ERC1: variants seen among roughly 807,000 people sequenced by gnomAD.
The protein encoded by ERC1 is ELKS/RAB6-interacting/CAST family member 1, also known as RAB6 interacting protein 2.
In ERC1, 56 loss-of-function variants were observed where a neutral mutation model predicts 132.0. That is an observed-to-expected ratio of 0.42 (90% confidence interval 0.34 to 0.53). ERC1 has a LOEUF of 0.53. Ranked by LOEUF, ERC1 falls within the 20% of genes least tolerant of loss-of-function variation. The pLI, the probability that ERC1 is intolerant of heterozygous loss-of-function variation, is 0.03. For synonymous variants in ERC1, 478 were observed against 476.1 expected (o/e 1.00, Z -0.05); for missense variants, 1,202 against 1,349.9 (o/e 0.89, Z 1.72).
chr12:1,225,787 G>C (rs1013179161), intron 12 of ERC1, among the ~76,000 whole-genome samples: 6 of 152,148 alleles, frequency 3.9e-5, no homozygotes, highest in African/African-American at 9.7e-5. Flanking sequence ...ATTAAAGGTT[G>C]CCAGCACCAT....
chr12:1,227,206 AC>A (rs1258965468), intron 12 of ERC1, among the ~76,000 whole-genome samples: 1 of 152,138 alleles, frequency 6.6e-6, no homozygotes, highest in African/African-American at 2.4e-5. Flanking sequence ...GAACCTTCTT[AC>A]CGTTTTCCAT....
intron 18 of ERC1, among the ~76,000 whole-genome samples, chr12:1,488,169 T>C (rs1466889972): frequency 6.8e-6 from 1 of 146,184 alleles, no homozygotes; most frequent in African/African-American, 2.5e-5. Context: ...AAAAGATAGA[T>C]GGGGTCTCAC....
intron 18 of ERC1, among the ~76,000 whole-genome samples, chr12:1,456,145 C>T (rs1592168293): frequency 6.6e-6 from 1 of 152,176 alleles, no homozygotes; most frequent in East Asian, 1.9e-4. Context: ...AGTGCAATGG[C>T]TCATGTAGTT....
chr12:1,435,556 T>C (rs183440554), intron 17 of ERC1, among the ~76,000 whole-genome samples: 2 of 152,312 alleles, frequency 1.3e-5, no homozygotes, highest in East Asian at 1.9e-4. Context: ...TTTTATGATA[T>C]ACAGAAACAT....
chr12:1,367,581 G>A (rs189726045), intron 15 of ERC1, among the ~76,000 whole-genome samples: 20 of 152,230 alleles, frequency 1.3e-4, no homozygotes, highest in African/African-American at 3.6e-4. Context: ...ATGTTGTGGC[G>A]TTCTCAAGGA....
chr12:1,297,876 G>A (rs1307378400), intron 15 of ERC1, among the ~76,000 whole-genome samples: 1 of 152,192 alleles, frequency 6.6e-6, no homozygotes, highest in African/African-American at 2.4e-5. Flanking sequence ...TGGGACAACA[G>A]TATCCCAAAA....
intron 2 of ERC1, among the ~76,000 whole-genome samples, chr12:1,050,607 A>G (rs773833075): frequency 1.3e-5 from 2 of 152,084 alleles, no homozygotes; most frequent in African/African-American, 2.4e-5. Context: ...TCTTTGTTCT[A>G]TTTATTTAGT....
At chr12:1,034,411 T>TAAAAATGAATAA (rs1555208320) in intron 2 of ERC1, among the ~76,000 whole-genome samples, 2 of 151,938 alleles carry the variant, frequency 1.3e-5, no homozygotes, top group African/African-American at 4.8e-5. Context: ...CCTTGTCTCT[T>TAAAAATGAATAA]AAAAATAAAT....
intron 18 of ERC1, among the ~76,000 whole-genome samples, chr12:1,482,990 T>G (rs2094122139): frequency 6.6e-6 from 1 of 152,086 alleles, no homozygotes; most frequent in Non-Finnish European, 1.5e-5. Context: ...TTGGCTACTC[T>G]GGAATTTCAT....
chr12:1,267,555 T>TA (rs1401114028), intron 14 of ERC1, among the ~76,000 whole-genome samples: 5 of 152,186 alleles, frequency 3.3e-5, no homozygotes, highest in Admixed American at 3.3e-4. Context: ...AGCCAAGAGT[T>TA]AGAGACCAAC....
At chr12:1,366,950 G>A (rs1308947776) in intron 15 of ERC1, among the ~76,000 whole-genome samples, 2 of 152,172 alleles carry the variant, frequency 1.3e-5, no homozygotes, top group South Asian at 2.1e-4. Context: ...CAAAGTTTGC[G>A]AGGGCAGGTA....
intron 15 of ERC1, among the ~76,000 whole-genome samples, chr12:1,349,508 A>T (rs2084797115): frequency 2.0e-5 from 3 of 152,090 alleles, no homozygotes; most frequent in Non-Finnish European, 4.4e-5. Context: ...ACTAAAAAAT[A>T]CAAAAATTAG....
chr12:1,026,177 A>G (rs1966873223), intron 1 of ERC1, among the ~76,000 whole-genome samples: 1 of 152,156 alleles, frequency 6.6e-6, no homozygotes, highest in Non-Finnish European at 1.5e-5. Flanking sequence ...GAGGAGCAAA[A>G]TTATGTCTTA....
intron 8 of ERC1, among the ~76,000 whole-genome samples, chr12:1,164,114 A>G (rs558730114): frequency 6.6e-6 from 1 of 152,306 alleles, no homozygotes; most frequent in South Asian, 2.1e-4. Context: ...TTCCAGATTT[A>G]TAGATGTTAG....
intron 13 of ERC1, chr12:1,244,521 T>C (rs529071694): frequency 4.4e-6 from 2 of 452,222 alleles, no homozygotes; most frequent in South Asian, 3.1e-5. Context: ...TTTGTTTGTT[T>C]GTTTGTTTGT....
chr12:1,350,251 C>T (rs1037142229), intron 15 of ERC1, among the ~76,000 whole-genome samples: 1 of 152,176 alleles, frequency 6.6e-6, no homozygotes, highest in African/African-American at 2.4e-5. Context: ...GTTAAAAGAA[C>T]AGGCCTGGGG....
intron 12 of ERC1, among the ~76,000 whole-genome samples, chr12:1,222,907 T>C (rs1353501534): frequency 6.6e-6 from 1 of 152,216 alleles, no homozygotes; most frequent in Non-Finnish European, 1.5e-5. Flanking sequence ...TTTTGCTAGG[T>C]GTTTAAGATA....
intron 15 of ERC1, among the ~76,000 whole-genome samples, chr12:1,328,716 G>A (rs1157440939): frequency 2.0e-5 from 3 of 151,556 alleles, no homozygotes; most frequent in Non-Finnish European, 2.9e-5. Context: ...TGATGCTATA[G>A]GAGGAAGTCA....
chr12:1,180,261 G>C (rs948891318), intron 8 of ERC1, among the ~76,000 whole-genome samples: 6 of 147,168 alleles, frequency 4.1e-5, no homozygotes, highest in African/African-American at 1.6e-4. Context: ...GGATGTGTGT[G>C]TGTGTGTGTG....
Sources: allele counts gnomAD v4.1 joint callset (sites outside exome capture counted in the v4.1 genomes callset), GRCh38; gene constraint gnomAD v4.1.1; transcripts MANE v1.5; gene names NCBI Gene and HGNC (gene_info 2026-07-23, HGNC 2026-07-21).